CADPS: variants seen among roughly 807,000 people sequenced by gnomAD.
The protein encoded by CADPS is calcium-dependent secretion activator 1.
CADPS carries 57 observed loss-of-function variants against 167.3 expected under a neutral mutation model. That is an observed-to-expected ratio of 0.34 (90% CI 0.28 to 0.42). The LOEUF (loss-of-function observed/expected upper bound fraction) is 0.42. Ranked by LOEUF, CADPS falls within the 20% of genes least tolerant of loss-of-function variation. The probability of loss-of-function intolerance (pLI) is 1.00; values close to 1 mark genes in which losing one functional copy is unlikely to be tolerated. For synonymous variants in CADPS, 676 were observed against 635.3 expected, an observed-to-expected ratio of 1.06 and a Z score of -0.96; for missense variants, 1,414 against 1,738.1, an observed-to-expected ratio of 0.81 and a Z score of 3.32.
intron 28 of CADPS, among the ~76,000 whole-genome samples, chr3:62,407,302 G>T (rs1708874558): frequency 6.6e-6 from 1 of 152,212 alleles, no homozygotes; most frequent in Admixed American, 6.5e-5. Context: ...GGAATTGTAT[G>T]CATGCCTTAT....
Position 62,557,500 on chromosome 3 carries a change from G to C in CADPS, c.1658C>G (p.Thr553Arg), listed in dbSNP as rs746841434. ...CTCCCGATAACTGCACATGGCAAAC[G>C]TGTACTGACTGACCTGTTAAGGAAA... ...FFVLVQVSQY[T>R]FAMCSYREKK... The change falls in exon 10 of 30, where the codon ACG becomes AGG. Residue 553 changes from threonine (T) to arginine (R), a missense_variant. Physicochemically the swap from Thr to Arg is moderately conservative, Grantham distance 71 (BLOSUM62 -1). Coordinates refer to ENST00000383710, the MANE Select transcript of CADPS (RefSeq NM_003716.4). The C allele has an allele frequency of 1.2e-6, 2 of 1,613,272 alleles. No homozygotes were observed. The highest frequency in any genetic ancestry group is 1.7e-6 in the Non-Finnish European group (2 of 1,179,288).
At chr3:62,804,231 G>A (rs1189860143) in intron 1 of CADPS, among the ~76,000 whole-genome samples, 1 of 152,160 alleles carries the variant, frequency 6.6e-6, no homozygotes, top group East Asian at 1.9e-4. Context: ...ACGGATGAAT[G>A]AATGGACAGA....
At chr3:62,437,463 G>A (rs928473598) in intron 28 of CADPS, among the ~76,000 whole-genome samples, 1 of 149,416 alleles carries the variant, frequency 6.7e-6, no homozygotes, top group Non-Finnish European at 1.5e-5. Flanking sequence ...TCTGAAGTTT[G>A]ATCTGGGTCC....
rs150035910 is a variant in CADPS at position 62,684,098 on chromosome 3, T to C, written c.889-21704A>G. ...CTTACAGGGCAAGTTTTGCTCCACG[T>C]CTTTGGGGTGTATCTATTTAAGTTA... On this transcript the variant is annotated intron_variant, in intron 3 of 29. Coordinates refer to ENST00000383710, the MANE Select transcript of CADPS (RefSeq NM_003716.4). 2.0e-5 allele frequency among the ~76,000 whole-genome samples: 3 copies of C among 152,170 alleles called. No homozygotes were observed. The East Asian group carries it at 5.8e-4, about 30-fold the overall frequency.
chr3:62,598,150 C>T (rs966830520), intron 6 of CADPS, among the ~76,000 whole-genome samples: 5 of 152,200 alleles, frequency 3.3e-5, no homozygotes, highest in African/African-American at 9.6e-5. Flanking sequence ...TTAAGAATTT[C>T]GAGATGGCAA....
rs376570004 is a variant in CADPS at position 62,857,770 on chromosome 3, T to C, written c.441+16819A>G. Among the ~76,000 whole-genome samples, 50 of 152,160 alleles carry C rather than the reference T, an allele frequency of 3.3e-4. No individual in the cohort carries two copies. The East Asian group carries it at 6.2e-3, about 19-fold the overall frequency. ...CTTTTTAAAATTTTTATTTTATGTATTTCCATATACTTTTCTATAAAAATG... is the reference window on the plus strand; with the variant it reads ...CTTTTTAAAATTTTTATTTTATGTACTTCCATATACTTTTCTATAAAAATG... On this transcript the variant is annotated intron_variant, in intron 1 of 29. Transcript: ENST00000383710.
intron 28 of CADPS, among the ~76,000 whole-genome samples, chr3:62,434,303 A>G (rs1277535897): frequency 1.3e-5 from 2 of 152,226 alleles, no homozygotes; most frequent in African/African-American, 4.8e-5. Flanking sequence ...GTCCAGCTGC[A>G]CATCTGAAAT....
chr3:62,683,488 A>T (rs909156754), intron 3 of CADPS, among the ~76,000 whole-genome samples: 5 of 152,084 alleles, frequency 3.3e-5, no homozygotes, highest in African/African-American at 1.2e-4. Flanking sequence ...AGATTTACAG[A>T]AAAGTAGCAA....
chr3:62,645,190 G>A (rs182311094), intron 6 of CADPS, among the ~76,000 whole-genome samples: 3 of 152,220 alleles, frequency 2.0e-5, no homozygotes, highest in African/African-American at 7.2e-5. Context: ...GGACTTTGGG[G>A]ACTCAGGGGA....
chr3:62,786,713 T>C (rs1488817066), intron 1 of CADPS, among the ~76,000 whole-genome samples: 1 of 152,126 alleles, frequency 6.6e-6, no homozygotes, highest in Non-Finnish European at 1.5e-5. Flanking sequence ...TTGTAAATCA[T>C]CTTATAAACT....
At chr3:62,600,416 A>G (rs2059787748) in intron 6 of CADPS, among the ~76,000 whole-genome samples, 1 of 152,146 alleles carries the variant, frequency 6.6e-6, no homozygotes, top group African/African-American at 2.4e-5. Flanking sequence ...TAGAAATGCC[A>G]TCACCCATAG....
chr3:62,429,331 A>C (rs1298092127), intron 28 of CADPS, among the ~76,000 whole-genome samples: 1 of 152,190 alleles, frequency 6.6e-6, no homozygotes, highest in Non-Finnish European at 1.5e-5. Flanking sequence ...TATCTCTTAC[A>C]AACTTCCAGA....
At chr3:62,834,107 T>C (rs570241704) in intron 1 of CADPS, among the ~76,000 whole-genome samples, 4 of 152,246 alleles carry the variant, frequency 2.6e-5, no homozygotes, top group African/African-American at 4.8e-5. Context: ...TCAGTAAAAG[T>C]CATGTTTTCA....
chr3:62,781,862 G>T (rs904959329), intron 1 of CADPS, among the ~76,000 whole-genome samples: 1 of 152,104 alleles, frequency 6.6e-6, no homozygotes, highest in African/African-American at 2.4e-5. Flanking sequence ...AAAAATAAAG[G>T]ACCACAGCAG....
At chr3:62,643,932 A>G (rs1411677004) in intron 6 of CADPS, among the ~76,000 whole-genome samples, 3 of 152,190 alleles carry the variant, frequency 2.0e-5, no homozygotes. Context: ...AAAAGAAACC[A>G]CATTTATTGT....
chr3:62,849,196 T>C (rs1374237608), intron 1 of CADPS, among the ~76,000 whole-genome samples: 2 of 150,158 alleles, frequency 1.3e-5, no homozygotes, highest in Non-Finnish European at 3.0e-5. Context: ...TGGGGTTTTC[T>C]AGATAAACAA....
rs542403777 is a variant in CADPS at position 62,816,402 on chromosome 3, C to A, written c.442-50418G>T. On this transcript the variant is annotated intron_variant, in intron 1 of 29. Transcript: ENST00000383710. Reference sequence around the variant, plus strand: ...AGGTGGGTATGTTATTATTCTCCCCCACCCAGGAAAGTAACTTGTGTTAAA... The same window carrying A: ...AGGTGGGTATGTTATTATTCTCCCCAACCCAGGAAAGTAACTTGTGTTAAA... 9.5e-4 allele frequency among the ~76,000 whole-genome samples: 145 copies of A among 152,042 alleles called. 3 individuals are homozygous for A. Among genetic ancestry groups the A allele is most frequent in the Admixed American group, 1.8e-3 (27 of 15,240 alleles).
chr3:62,635,409 T>C (rs116275380), intron 6 of CADPS, among the ~76,000 whole-genome samples: 12 of 152,300 alleles, frequency 7.9e-5, no homozygotes, highest in African/African-American at 2.6e-4. Flanking sequence ...CTTCCCTCTC[T>C]AGTAAATTTA....
chr3:62,675,323 G>T (rs116199077), intron 3 of CADPS, among the ~76,000 whole-genome samples: 3,572 of 152,098 alleles, frequency 0.023, 144 homozygotes, highest in African/African-American at 0.081. Context: ...CCTCAAAAAA[G>T]ATTGTAGATT....
Sources: allele counts gnomAD v4.1 joint callset (sites outside exome capture counted in the v4.1 genomes callset), GRCh38; gene constraint gnomAD v4.1.1; transcripts MANE v1.5; gene names NCBI Gene and HGNC (gene_info 2026-07-23, HGNC 2026-07-21).